The following ZNF681 variants were observed in gnomAD, a reference collection of about 807,000 sequenced individuals.
ZNF681 encodes the protein hypothetical protein FLJ31526.
A neutral mutation model predicts 56.0 loss-of-function variants in ZNF681; 37 were observed. The ratio of observed to expected loss-of-function variants is 0.66; its 90% confidence interval spans 0.51 to 0.87. The LOEUF is 0.87. Among genes scored for constraint, ZNF681 ranks in the 40% least tolerant of loss-of-function variants. The pLI is 0.00. For synonymous variants in ZNF681, 225 were observed against 248.6 expected (o/e 0.91, Z 0.89); for missense variants, 741 against 744.9 (o/e 0.99, Z 0.06).
At chr19:23,754,274 C>T (rs933567867) in intron 3 of ZNF681, among the ~76,000 whole-genome samples, 1 of 152,196 alleles carries the variant, frequency 6.6e-6, no homozygotes, top group Non-Finnish European at 1.5e-5. Context: ...GACTTTGGCT[C>T]TCACTCTAAA....
In ZNF681 at chr19:23,739,257, T is replaced by C. The variant is rs1968850061; in HGVS notation, c.*4355A>G. 1 of 152,134 alleles carries C rather than the reference T, an allele frequency of 6.6e-6. No homozygotes were observed. The highest frequency in any genetic ancestry group is 6.5e-5 in the Admixed American group (1 of 15,270). 9.4% of individuals were successfully genotyped at this position (152,134 alleles called of 1,614,324 possible). Reference sequence around the variant, plus strand: ...ACATAGATTAACCAAATTATTTCACTTACATGATTCTAGAAAAATTAATCT... The same window carrying C: ...ACATAGATTAACCAAATTATTTCACCTACATGATTCTAGAAAAATTAATCT... On this transcript the variant is annotated 3_prime_UTR_variant, in exon 4 of 4. Transcript: ENST00000402377.
rs1437390429 is a variant in ZNF681 at position 23,743,703 on chromosome 19, TTC to T, written c.1845_1846del (p.Lys616ThrfsTer5). 3.1e-6 allele frequency: 5 copies of T among 1,610,828 alleles called. No individual in the cohort carries two copies. The highest frequency in any genetic ancestry group is 4.2e-6 in the Non-Finnish European group (5 of 1,178,468). On this transcript the variant is annotated frameshift_variant, in exon 4 of 4. Transcript: ENST00000402377. LOFTEE classifies it high-confidence loss of function. Reference sequence around the variant, plus strand: ...GTTACATCTTTTAGGTTTGTAGAGTTTCTCACCAGTATGAATTTTCTTATGTC... The same window carrying T: ...GTTACATCTTTTAGGTTTGTAGAGTTTCACCAGTATGAATTTTCTTATGTC...
rs763001279 is a variant in ZNF681 at position 23,755,558 on chromosome 19, AACACACACACACACAC to A, written c.4-23_4-8del. 25 of 1,277,446 alleles carry A rather than the reference AACACACACACACACAC, an allele frequency of 2.0e-5. No homozygotes were observed. Among genetic ancestry groups the A allele is most frequent in the Non-Finnish European group, 2.1e-6 (2 of 951,442 alleles). 79.1% of individuals were successfully genotyped at this position (1,277,446 alleles called of 1,614,324 possible). On this transcript the variant is annotated splice_polypyrimidine_tract_variant and splice_region_variant and intron_variant, in intron 1 of 3. Coordinates refer to ENST00000402377, the MANE Select transcript of ZNF681 (RefSeq NM_138286.3). ...CCCTAAATTTCAATGGTTCCTGAAA[AACACACACACACACAC>A]ACACACACACACACACACACACACA...
chr19:23,751,834 T>C (rs917939628), intron 3 of ZNF681, among the ~76,000 whole-genome samples: 8 of 152,132 alleles, frequency 5.3e-5, no homozygotes, highest in African/African-American at 1.9e-4. Flanking sequence ...TACAGGCGCC[T>C]GCCACCATGC....
At chr19:23,748,884 A>T (rs1190118724) in intron 3 of ZNF681, among the ~76,000 whole-genome samples, 1 of 152,220 alleles carries the variant, frequency 6.6e-6, no homozygotes, top group Non-Finnish European at 1.5e-5. Flanking sequence ...TTGATGATGA[A>T]CTGAAAATCC....
Position 23,745,054 on chromosome 19 carries a change from T to C in ZNF681, c.496A>G (p.Arg166Gly). ...NLNGHKVRHT[R>G]KKPFKYKEFG... ...TCTTTATATTTAAAAGGTTTTTTTC[T>C]GGTGTGTCTTACCTTATGTCCATTT... The change falls in exon 4 of 4, where the codon AGA becomes GGA. Residue 166 changes from arginine (R) to glycine (G), a missense_variant. Physicochemically the swap from Arg to Gly is moderately radical, Grantham distance 125 (BLOSUM62 -2). Transcript: ENST00000402377. 3 of 1,595,966 alleles carry C rather than the reference T, an allele frequency of 1.9e-6. No homozygotes were observed. The highest frequency in any genetic ancestry group is 2.6e-6 in the Non-Finnish European group (3 of 1,169,582).
At chr19:23,758,208 A>G (rs1050592718) in intron 1 of ZNF681, among the ~76,000 whole-genome samples, 1 of 152,166 alleles carries the variant, frequency 6.6e-6, no homozygotes, top group African/African-American at 2.4e-5. Flanking sequence ...TGTAGGGACC[A>G]TGACTGCTTC....
chr19:23,745,135 T>C lies in ZNF681; in HGVS notation c.415A>G (p.Ser139Gly). The change falls in exon 4 of 4, where the codon AGC becomes GGC. Residue 139 changes from serine (S) to glycine (G), a missense_variant. Coordinates refer to ENST00000402377, the MANE Select transcript of ZNF681 (RefSeq NM_138286.3). ...TATTTATCACATTGAAATATTTTGC[T>C]CTGGGTAGTTGGCAAACATTGGTTA... ...GLNQCLPTTQSKIFQCDKYMK... is the reference protein window; with the variant it reads ...GLNQCLPTTQGKIFQCDKYMK... 6.2e-7 allele frequency: 1 copy of C among 1,612,024 alleles called. No individual in the cohort carries two copies.
chr19:23,754,940 A>G, intron 2 of ZNF681, 22 bp from the exon 3 acceptor site: 4 of 1,595,592 alleles, frequency 2.5e-6, no homozygotes, highest in Non-Finnish European at 3.4e-6. Context: ...AAAGTAAATA[A>G]CATAAATCTT....
At chr19:23,746,453 T>C (rs11085621) in intron 3 of ZNF681, among the ~76,000 whole-genome samples, 149,070 of 152,340 alleles carry the variant, frequency 0.98, 73,027 homozygotes, top group Middle Eastern at 1. Flanking sequence ...CAAAGAGTAA[T>C]TATGTGAGTA....
At chr19:23,749,419 G>C (rs1599455810) in intron 3 of ZNF681, among the ~76,000 whole-genome samples, 2 of 152,116 alleles carry the variant, frequency 1.3e-5, no homozygotes, top group South Asian at 4.1e-4. Context: ...GTATAACAAT[G>C]TGAATACACT....
At position 23,742,442 on chromosome 19, in the gene ZNF681, G is replaced by C. The variant is rs1965575; in HGVS notation, c.*1170C>G. The C allele has an allele frequency of 0.98, 148,616 of 151,882 alleles. 72,805 individuals are homozygous for C. Among genetic ancestry groups the C allele is most frequent in the Middle Eastern group, 1 (292 of 292 alleles). 9.4% of individuals were successfully genotyped at this position (151,882 alleles called of 1,614,324 possible). A position where few individuals can be genotyped will look rare whatever the true frequency, so the allele number is the denominator to read the frequency against. ...GGAGGTGGAGGTTTTGGTGAGCCAA[G>C]ATCACACCATTGCACTCCAGCCTGG... On this transcript the variant is annotated 3_prime_UTR_variant, in exon 4 of 4. Transcript: ENST00000402377.
At chr19:23,753,939 G>A (rs191565653) in intron 3 of ZNF681, among the ~76,000 whole-genome samples, 21 of 149,062 alleles carry the variant, frequency 1.4e-4, no homozygotes, top group Admixed American at 9.4e-4. Flanking sequence ...TTCCAGTGGC[G>A]TTTTACAGTA....
chr19:23,740,555 G>C lies in ZNF681; in HGVS notation c.*3057C>G, dbSNP rs1459428551. 6.6e-6 allele frequency: 1 copy of C among 152,028 alleles called. No homozygotes were observed. The highest frequency in any genetic ancestry group is 1.5e-5 in the Non-Finnish European group (1 of 68,014). The allele number at this position is 152,028 out of a possible 1,614,324, so 9.4% of individuals were successfully genotyped here. The stretch of plus-strand genomic sequence containing the variant: ...ACTAACTCCAACAGGAATATTTATG[G>C]CTTATTATAAAGCATCTGTGACACA... On this transcript the variant is annotated 3_prime_UTR_variant, in exon 4 of 4. Transcript: ENST00000402377.
Position 23,739,601 on chromosome 19 carries a change from T to C in ZNF681, c.*4011A>G, listed in dbSNP as rs1968853743. On this transcript the variant is annotated 3_prime_UTR_variant, in exon 4 of 4. Coordinates refer to ENST00000402377, the MANE Select transcript of ZNF681 (RefSeq NM_138286.3). ...TCACAGAATAAATGCACAATTTATA[T>C]ATTACAGACGGTATGAAAGACACTA... 6.6e-6 allele frequency: 1 copy of C among 152,210 alleles called. No homozygotes were observed. Among genetic ancestry groups the C allele is most frequent in the Non-Finnish European group, 1.5e-5 (1 of 68,038 alleles). 9.4% of individuals were successfully genotyped at this position (152,210 alleles called of 1,614,324 possible). A position where few individuals can be genotyped will look rare whatever the true frequency, so the allele number is the denominator to read the frequency against.
In ZNF681 at chr19:23,751,320, T is replaced by A. The variant is rs547468146; in HGVS notation, c.226+3503A>T. Among the ~76,000 whole-genome samples the A allele has an allele frequency of 1.3e-4, 19 of 150,808 alleles. No homozygotes were observed. The South Asian group carries it at 3.6e-3, about 28-fold the overall frequency. On this transcript the variant is annotated intron_variant, in intron 3 of 3. Transcript: ENST00000402377. ...GGTGAAACCCCGTCTCTACTAAAAA[T>A]ACAAAATTAGCTGGGCGTTTTGGCA...
intron 1 of ZNF681, 65 bp downstream of exon 1, chr19:23,758,682 G>T: frequency 6.2e-7 from 1 of 1,613,324 alleles, no homozygotes. Flanking sequence ...AGCTGACTGC[G>T]GCGAGGTCTG....
At position 23,755,529 on chromosome 19, in the gene ZNF681, A is replaced by AC. The variant is rs774572020; in HGVS notation, c.25dup (p.Val9GlyfsTer22). ...CTCCTCCAGAGAGAATTCTATGGCCACATCCCTAAATTTCAATGGTTCCTG... is the reference window on the plus strand; with the variant it reads ...CTCCTCCAGAGAGAATTCTATGGCCACCATCCCTAAATTTCAATGGTTCCTG... On this transcript the variant is annotated frameshift_variant, in exon 2 of 4. Transcript: ENST00000402377. LOFTEE classifies it high-confidence loss of function. The AC allele has an allele frequency of 6.8e-6, 11 of 1,607,242 alleles. No individual in the cohort carries two copies. The highest frequency in any genetic ancestry group is 9.3e-6 in the Non-Finnish European group (11 of 1,176,640).
At chr19:23,755,605 A>ACG in intron 1 of ZNF681, 54 bp from the exon 2 acceptor site, 1 of 1,388,418 alleles carries the variant, frequency 7.2e-7, no homozygotes, top group Non-Finnish European at 9.5e-7. Flanking sequence ...ACACATACAC[A>ACG]TTTAGAAAGT....
Sources: gnomAD v4.1 joint callset for allele counts (sites outside exome capture counted in the v4.1 genomes callset) on GRCh38, gnomAD v4.1.1 for gene constraint, MANE v1.5 for transcripts, NCBI Gene and HGNC (gene_info 2026-07-23, HGNC 2026-07-21) for gene names.